Variants in FAT1 observed in about 807,000 individuals in gnomAD.
FAT1 encodes the protein protocadherin Fat 1.
In FAT1, 171 loss-of-function variants were observed where a neutral mutation model predicts 329.8. The ratio of observed to expected loss-of-function variants is 0.52; its 90% CI spans 0.46 to 0.59. The LOEUF (loss-of-function observed/expected upper bound fraction) is 0.59, where lower values mean the gene tolerates loss of function less well. Ranked by LOEUF, FAT1 falls within the 20% of genes least tolerant of loss-of-function variation. FAT1 has a pLI of 0.00. For missense variants in FAT1, 5,672 were observed against 5,774.4 expected (o/e 0.98, Z 0.57); for synonymous variants, 2,233 against 2,228.6 (o/e 1.00, Z -0.06).
intron 20 of FAT1, chr4:186,601,652 A>C (rs1365182262): frequency 5.0e-6 from 2 of 397,154 alleles, no homozygotes; most frequent in African/African-American, 4.0e-5. Context: ...CAGAGAAATG[A>C]ATTCTAAAGT....
At position 186,618,171 on chromosome 4, in the gene FAT1, G is replaced by A. The variant is rs377353747; in HGVS notation, c.8415C>T (p.Asn2805=). Residue 2805 remains asparagine, a synonymous_variant, in exon 10 of 27, where the codon AAC becomes AAT. Coordinates refer to ENST00000441802, the MANE Select transcript of FAT1 (RefSeq NM_005245.4). Reference sequence around the variant, plus strand: ...ATGGACTAGATTCAAAGACCGGGCTGTTGTCATTTGCATCTTTCACTTGGA... The same window carrying A: ...ATGGACTAGATTCAAAGACCGGGCTATTGTCATTTGCATCTTTCACTTGGA... The part of the protein sequence containing the change: ...VSIQVKDAND[N]SPVFESSPYE... 3.2e-5 allele frequency: 52 copies of A among 1,613,910 alleles called. No individual in the cohort carries two copies. Among genetic ancestry groups the A allele is most frequent in the Non-Finnish European group, 4.3e-5 (51 of 1,179,912 alleles).
At chr4:186,601,478 T>G in intron 20 of FAT1, 52 bp from the exon 21 acceptor site, 1 of 1,537,228 alleles carries the variant, frequency 6.5e-7, no homozygotes, top group Non-Finnish European at 8.9e-7. Context: ...TAAGCATATT[T>G]TTTAAAGTAT....
intron 3 of FAT1, among the ~76,000 whole-genome samples, chr4:186,654,148 G>C (rs1397552889): frequency 6.6e-6 from 1 of 152,138 alleles, no homozygotes; most frequent in East Asian, 1.9e-4. Flanking sequence ...CCTGACCTCT[G>C]GTAGCTCTGA....
At position 186,621,599 on chromosome 4, in the gene FAT1, C is replaced by A. The variant is rs200613891; in HGVS notation, c.4987G>T (p.Ala1663Ser). The A allele has an allele frequency of 1.9e-6, 3 of 1,613,996 alleles. No individual in the cohort carries two copies. ...VRIFVTIADN[A>S]SPKFTSKEYS... ...TCTTTTGATGTAAACTTCGGAGAGG[C>A]GTTGTCAGCAATTGTGACAAAGATA... Residue 1663 changes from alanine to serine, a missense_variant, in exon 10 of 27, where the codon GCC becomes TCC. Transcript: ENST00000441802.
At chr4:186,638,316 G>A (rs1740930046) in intron 4 of FAT1, among the ~76,000 whole-genome samples, 1 of 152,178 alleles carries the variant, frequency 6.6e-6, no homozygotes, top group Non-Finnish European at 1.5e-5. Context: ...GGACTCTGGA[G>A]TGACGTATGC....
chr4:186,716,209 C>T (rs1745196157), intron 1 of FAT1, among the ~76,000 whole-genome samples: 1 of 152,106 alleles, frequency 6.6e-6, no homozygotes, highest in Admixed American at 6.5e-5. Flanking sequence ...CTTTATGGAA[C>T]AGGACATTAT....
At chr4:186,686,247 C>CCCG (rs1743462784) in intron 2 of FAT1, among the ~76,000 whole-genome samples, 1 of 147,866 alleles carries the variant, frequency 6.8e-6, no homozygotes, top group Admixed American at 6.8e-5. Context: ...CACCCCCCCC[C>CCCG]GACATTCTGA....
chr4:186,628,964 AATG>A (rs1740456274), intron 7 of FAT1, among the ~76,000 whole-genome samples: 1 of 152,244 alleles, frequency 6.6e-6, no homozygotes, highest in Admixed American at 6.5e-5. Context: ...TGAGTAAGAT[AATG>A]ATGACCTTTC....
intron 1 of FAT1, 67 bp downstream of exon 1, chr4:186,723,597 G>C (rs1745562252): frequency 6.6e-6 from 1 of 152,196 alleles, no homozygotes; most frequent in African/African-American, 2.4e-5. Context: ...GACACCCACA[G>C]AGTCCGCACC....
At chr4:186,677,019 C>T (rs887669981) in intron 2 of FAT1, among the ~76,000 whole-genome samples, 1 of 152,196 alleles carries the variant, frequency 6.6e-6, no homozygotes, top group Non-Finnish European at 1.5e-5. Flanking sequence ...AGCTGCCCCC[C>T]TGCCCATCCA....
rs754086427 is a variant in FAT1, at chr4:186,621,624, A to G, written c.4962T>C (p.Arg1654=). The stretch of plus-strand genomic sequence containing the variant: ...CGTTGTCAGCAATTGTGACAAAGAT[A>G]CGCACAGAAGTTATTTCACTCATTG... ...SPPMSEITSV[R]IFVTIADNAS... The change falls in exon 10 of 27, where the codon CGT becomes CGC. Residue 1654 remains arginine, a synonymous_variant. Coordinates refer to ENST00000441802, the MANE Select transcript of FAT1 (RefSeq NM_005245.4). 12 of 1,614,046 alleles carry G rather than the reference A, an allele frequency of 7.4e-6. No homozygotes were observed. In the South Asian group the frequency reaches 1.3e-4, roughly 18 times the overall value.
rs966652458 is a variant in FAT1, at chr4:186,596,074, G to A, written c.13001-248C>T. Among the ~76,000 whole-genome samples, 12 of 152,052 alleles carry A rather than the reference G, an allele frequency of 7.9e-5. No homozygotes were observed. Among genetic ancestry groups the A allele is most frequent in the Non-Finnish European group, 1.5e-4 (10 of 68,006 alleles). ...AAATCGCCCATAAGCATGCCTATGG[G>A]TATCATTAGACAGTAAAGGCTGCTA... On this transcript the variant is annotated intron_variant, in intron 25 of 26. Coordinates refer to ENST00000441802, the MANE Select transcript of FAT1 (RefSeq NM_005245.4). This position sits in a 1 kb window ranked among gnomAD's most constrained non-coding sequence, Gnocchi z 4.7.
chr4:186,670,128 T>A (rs1295724155), intron 2 of FAT1, among the ~76,000 whole-genome samples: 1 of 152,228 alleles, frequency 6.6e-6, no homozygotes, highest in East Asian at 1.9e-4. Flanking sequence ...TAACAGGTCT[T>A]GGCCCCCAAT....
intron 1 of FAT1, among the ~76,000 whole-genome samples, chr4:186,714,929 G>A (rs1038748756): frequency 3.9e-5 from 6 of 151,946 alleles, no homozygotes; most frequent in Non-Finnish European, 5.9e-5. Context: ...AATACAAAAA[G>A]TAGCTGGGTG....
Position 186,720,423 on chromosome 4 carries a change from C to T in FAT1, c.-19+3241G>A, listed in dbSNP as rs548088526. Among the ~76,000 whole-genome samples the T allele has an allele frequency of 1.4e-4, 21 of 152,284 alleles. No individual in the cohort carries two copies. The East Asian group carries it at 1.5e-3, about 11-fold the overall frequency. On this transcript the variant is annotated intron_variant, in intron 1 of 26. Coordinates refer to ENST00000441802, the MANE Select transcript of FAT1 (RefSeq NM_005245.4). Reference sequence around the variant, plus strand: ...ATCCTTTTCCTAAGATAACATGGTACGGTGAGGTCTTCAGAATTTCTCTCC... The same window carrying T: ...ATCCTTTTCCTAAGATAACATGGTATGGTGAGGTCTTCAGAATTTCTCTCC...
At chr4:186,631,184 C>T (rs909068886) in intron 7 of FAT1, among the ~76,000 whole-genome samples, 4 of 152,314 alleles carry the variant, frequency 2.6e-5, no homozygotes, top group Non-Finnish European at 5.9e-5. Context: ...TACTTCCAAG[C>T]CCCAATCCAT....
chr4:186,657,076 C>A (rs1189550487), intron 3 of FAT1, among the ~76,000 whole-genome samples: 1 of 151,916 alleles, frequency 6.6e-6, no homozygotes, highest in Non-Finnish European at 1.5e-5. Flanking sequence ...GAGGGGACAC[C>A]CACGATCGCA....
At chr4:186,685,850 C>T (rs1034420440) in intron 2 of FAT1, among the ~76,000 whole-genome samples, 28 of 152,220 alleles carry the variant, frequency 1.8e-4, no homozygotes, top group African/African-American at 6.3e-4. Context: ...TAGATGAGTC[C>T]GTCTCTAAGC....
chr4:186,631,170 G>C (rs1310723936), intron 7 of FAT1, among the ~76,000 whole-genome samples: 2 of 152,150 alleles, frequency 1.3e-5, no homozygotes, highest in Non-Finnish European at 2.9e-5. Flanking sequence ...TGACTTCTGA[G>C]TGTTACTTCC....
Sources: gnomAD v4.1 joint callset for allele counts (sites outside exome capture counted in the v4.1 genomes callset) on GRCh38, gnomAD v4.1.1 for gene constraint, Gnocchi (gnomAD v3.1) non-coding constraint, MANE v1.5 for transcripts, NCBI Gene and HGNC (gene_info 2026-07-23, HGNC 2026-07-21) for gene names.